The following FSIP1 variants were observed in gnomAD, a reference collection of about 807,000 sequenced individuals.
FSIP1 encodes fibrous sheath-interacting protein 1.
Under a neutral mutation model 60.9 loss-of-function variants are expected in FSIP1, and 65 were observed. The observed-to-expected ratio is 1.07, with a 90% CI of 0.87 to 1.31. FSIP1 has a LOEUF of 1.31. Ranked by LOEUF, FSIP1 falls within the 40% of genes most tolerant of loss-of-function variation. FSIP1 has a pLI of 0.00. For synonymous variants in FSIP1, 209 were observed against 221.2 expected (o/e 0.94, Z 0.49); for missense variants, 675 against 665.5 (o/e 1.01, Z -0.16).
At position 39,776,472 on chromosome 15, in the gene FSIP1, G is replaced by C. The variant is rs1046927078; in HGVS notation, c.53C>G (p.Ser18Ter). The part of the protein sequence containing the change: ...LDGISKPASN[S>*]RIRPGSRSSN... ...ACTTCTGCTCCCAGGGCGTATTCTT[G>C]AATTTGAAGCTGGTTTTGAAATTCC... is the stretch of plus-strand genomic sequence containing the variant. Residue 18 changes from serine (S) to a stop codon, truncating the protein, a stop_gained, in exon 2 of 12, where the codon TCA becomes TGA. Coordinates refer to ENST00000350221, the MANE Select transcript of FSIP1 (RefSeq NM_152597.5). LOFTEE classifies it high-confidence loss of function. 2 of 1,598,794 alleles carry C rather than the reference G, an allele frequency of 1.3e-6. No individual in the cohort carries two copies. The highest frequency in any genetic ancestry group is 1.1e-5 in the South Asian group (1 of 90,774).
At chr15:39,621,165 G>A (rs966642153) in intron 10 of FSIP1, among the ~76,000 whole-genome samples, 1 of 152,014 alleles carries the variant, frequency 6.6e-6, no homozygotes, top group Non-Finnish European at 1.5e-5. Flanking sequence ...TGGGGTCTTG[G>A]GGAGGGTTGA....
chr15:39,624,596 T>C (rs952716023), intron 10 of FSIP1, among the ~76,000 whole-genome samples: 5 of 152,212 alleles, frequency 3.3e-5, no homozygotes, highest in Admixed American at 6.5e-5. Flanking sequence ...TAAGGATTCA[T>C]AGGAGAAAAG....
intron 5 of FSIP1, among the ~76,000 whole-genome samples, chr15:39,753,303 A>T (rs191088303): frequency 1.4e-4 from 21 of 152,238 alleles, no homozygotes; most frequent in Admixed American, 1.1e-3. Flanking sequence ...CATAGAAATA[A>T]GTGAGCAGCC....
At chr15:39,677,614 T>A (rs1893993161) in intron 10 of FSIP1, among the ~76,000 whole-genome samples, 1 of 152,220 alleles carries the variant, frequency 6.6e-6, no homozygotes, top group Non-Finnish European at 1.5e-5. Flanking sequence ...AGGATGTTTG[T>A]TAGAGTATTA....
intron 10 of FSIP1, among the ~76,000 whole-genome samples, chr15:39,640,909 G>A (rs928407601): frequency 4.6e-5 from 7 of 152,276 alleles, no homozygotes; most frequent in African/African-American, 1.2e-4. Flanking sequence ...ATTGTTACAG[G>A]TGCATACTAC....
intron 10 of FSIP1, among the ~76,000 whole-genome samples, chr15:39,691,423 A>C (rs1039184129): frequency 6.6e-6 from 1 of 152,214 alleles, no homozygotes; most frequent in Non-Finnish European, 1.5e-5. Context: ...GCAGTGTGCC[A>C]GCAAGCACCA....
intron 10 of FSIP1, among the ~76,000 whole-genome samples, chr15:39,630,115 C>A (rs1891818927): frequency 6.6e-6 from 1 of 152,226 alleles, no homozygotes; most frequent in Non-Finnish European, 1.5e-5. Flanking sequence ...CTGTAGAGCA[C>A]ACAAAGCCCA....
chr15:39,714,648 G>A (rs956410005), intron 9 of FSIP1, among the ~76,000 whole-genome samples: 1 of 151,444 alleles, frequency 6.6e-6, no homozygotes, highest in Non-Finnish European at 1.5e-5. Context: ...CGAAGGACCA[G>A]CCTCTACCCA....
chr15:39,618,061 G>A lies in FSIP1; in HGVS notation c.1373C>T (p.Thr458Ile). Residue 458 changes from threonine to isoleucine, a missense_variant, in exon 11 of 12, where the codon ACA becomes ATA. Thr to Ile is a moderately conservative substitution (Grantham distance 89). Transcript: ENST00000350221. The stretch of plus-strand genomic sequence containing the variant: ...TTCTACCTCAGTTTTCTGGACCTTT[G>A]TTTCTGATTCATTTAGCAATTTAGA... ...IISKLLNESE[T>I]KVQKTEVEDA... is the part of the protein sequence containing the mutation. The A allele has an allele frequency of 4.3e-6, 7 of 1,614,142 alleles. No homozygotes were observed. Among genetic ancestry groups the A allele is most frequent in the Non-Finnish European group, 5.9e-6 (7 of 1,179,994 alleles).
chr15:39,604,997 C>G (rs1890771162), intron 11 of FSIP1, among the ~76,000 whole-genome samples: 1 of 152,088 alleles, frequency 6.6e-6, no homozygotes, highest in Non-Finnish European at 1.5e-5. Flanking sequence ...GGACATATAC[C>G]AACACACACC....
chr15:39,626,283 C>T (rs1225497545), intron 10 of FSIP1, among the ~76,000 whole-genome samples: 1 of 152,180 alleles, frequency 6.6e-6, no homozygotes, highest in Non-Finnish European at 1.5e-5. Flanking sequence ...CTGGGATCTT[C>T]AACATGTGTC....
intron 10 of FSIP1, among the ~76,000 whole-genome samples, chr15:39,662,681 A>C (rs1595586804): frequency 1.3e-5 from 2 of 151,510 alleles, no homozygotes; most frequent in South Asian, 2.1e-4. Flanking sequence ...ACTATCCAAC[A>C]CTAGACTGTA....
At chr15:39,623,127 AC>A (rs543440786) in intron 10 of FSIP1, among the ~76,000 whole-genome samples, 8 of 152,218 alleles carry the variant, frequency 5.3e-5, no homozygotes, top group African/African-American at 1.9e-4. Flanking sequence ...GAGGAATGCA[AC>A]TTGTAATTGC....
intron 11 of FSIP1, among the ~76,000 whole-genome samples, chr15:39,602,577 T>C (rs1890679511): frequency 6.6e-6 from 1 of 152,220 alleles, no homozygotes; most frequent in African/African-American, 2.4e-5. Flanking sequence ...GTAGTGGTAC[T>C]GTCAACACAT....
chr15:39,671,486 A>T lies in FSIP1; in HGVS notation c.1188+41958T>A, dbSNP rs188839389. ...TTAATGTTTAATTTGGTTATATTTT[A>T]AAAAACCTGAAGGCTCCTGCAGACT... On this transcript the variant is annotated intron_variant, in intron 10 of 11. Transcript: ENST00000350221. 8.9e-4 allele frequency among the ~76,000 whole-genome samples: 135 copies of T among 152,276 alleles called. 3 individuals carry two copies. Among genetic ancestry groups the T allele is most frequent in the Admixed American group, 6.6e-3 (101 of 15,294 alleles).
Position 39,770,560 on chromosome 15 carries a change from G to A in FSIP1, c.177C>T (p.Ser59=). The A allele has an allele frequency of 3.1e-6, 5 of 1,596,750 alleles. No individual in the cohort carries two copies. Among genetic ancestry groups the A allele is most frequent in the Non-Finnish European group, 3.4e-6 (4 of 1,174,028 alleles). The change falls in exon 3 of 12, where the codon AGC becomes AGT. Residue 59 remains serine (S), a synonymous_variant. Transcript: ENST00000350221. ...LNSGKEDHSE[S]SNTENRRTSN... ...TAGTTCTTCTGTTCTCTGTATTACT[G>A]CTTTCGGAGTGGTCCTCTTTACCAG...
intron 2 of FSIP1, among the ~76,000 whole-genome samples, chr15:39,776,195 A>AGG (rs1898053559): frequency 2.0e-5 from 1 of 50,666 alleles, no homozygotes; most frequent in African/African-American, 6.9e-5. Context: ...GAGGGAGGAG[A>AGG]GAGAGGGAGG....
intron 10 of FSIP1, among the ~76,000 whole-genome samples, chr15:39,636,468 G>A (rs1249044777): frequency 1.3e-5 from 2 of 152,186 alleles, no homozygotes; most frequent in Non-Finnish European, 2.9e-5. Context: ...TGGGAGTAGG[G>A]CAGAAGGAGA....
chr15:39,766,852 T>C (rs1175824615), intron 3 of FSIP1, among the ~76,000 whole-genome samples: 1 of 152,176 alleles, frequency 6.6e-6, no homozygotes, highest in Non-Finnish European at 1.5e-5. Context: ...CTTCTTCTTT[T>C]TTTAAGAGAC....
Sources: allele counts gnomAD v4.1 joint callset (sites outside exome capture counted in the v4.1 genomes callset), GRCh38; gene constraint gnomAD v4.1.1; transcripts MANE v1.5; gene names NCBI Gene and HGNC (gene_info 2026-07-23, HGNC 2026-07-21).